The following COG5 variants were observed in gnomAD, a reference collection of about 807,000 sequenced individuals.
COG5 encodes the protein component of oligomeric golgi complex 5.
Under a neutral mutation model 110.4 loss-of-function variants are expected in COG5, and 86 were observed. The observed-to-expected ratio is 0.78, with a 90% CI of 0.65 to 0.93. The LOEUF is 0.93. Among genes scored for constraint, COG5 ranks in the 40% least tolerant of loss-of-function variants. The pLI, the probability that COG5 is intolerant of heterozygous loss-of-function variation, is 0.00. For synonymous variants in COG5, 360 were observed against 334.6 expected, an observed-to-expected ratio of 1.08 and a Z score of -0.83; for missense variants, 1,077 against 987.0, an observed-to-expected ratio of 1.09 and a Z score of -1.22.
At chr7:107,379,534 G>A (rs1400314251) in intron 7 of COG5, among the ~76,000 whole-genome samples, 2 of 148,506 alleles carry the variant, frequency 1.3e-5, no homozygotes, top group Non-Finnish European at 3.0e-5. Context: ...CCCATCTCAC[G>A]TGCAATGACA....
intron 14 of COG5, among the ~76,000 whole-genome samples, chr7:107,280,148 C>T (rs2116787230): frequency 6.6e-6 from 1 of 151,976 alleles, no homozygotes; most frequent in Admixed American, 6.6e-5. Context: ...AAGATTTAAA[C>T]AAAGATTGAG....
chr7:107,329,155 CTCTGA>C (rs1193681586), intron 10 of COG5, among the ~76,000 whole-genome samples: 1 of 152,124 alleles, frequency 6.6e-6, no homozygotes, highest in East Asian at 1.9e-4. Context: ...GCTTTTGTTT[CTCTGA>C]AGAACCCTGA....
At chr7:107,403,015 A>T (rs774926405) in intron 7 of COG5, among the ~76,000 whole-genome samples, 13 of 152,256 alleles carry the variant, frequency 8.5e-5, no homozygotes, top group Non-Finnish European at 1.9e-4. Flanking sequence ...ATTTTGCAAT[A>T]TGATAGTATT....
At chr7:107,347,215 T>C (rs1811697716) in intron 10 of COG5, among the ~76,000 whole-genome samples, 1 of 152,192 alleles carries the variant, frequency 6.6e-6, no homozygotes, top group Admixed American at 6.5e-5. Context: ...AAAGAGGTAT[T>C]ACGTATGATC....
Position 107,474,037 on chromosome 7 carries a change from A to G in COG5, c.538+53200T>C, listed in dbSNP as rs184159432. Reference sequence around the variant, plus strand: ...GTTTATTCTATTTCACTTTCTAGGGAAAAAAACCAACTGCTCCAAAAGAAT... The same window carrying G: ...GTTTATTCTATTTCACTTTCTAGGGGAAAAAACCAACTGCTCCAAAAGAAT... On this transcript the variant is annotated intron_variant, in intron 6 of 21. Coordinates refer to ENST00000297135, the MANE Select transcript of COG5 (RefSeq NM_006348.5). The surrounding 1 kb of genome is among the most constrained non-coding windows in gnomAD (Gnocchi z 5.7). 604 of 1,343,094 alleles carry G rather than the reference A, an allele frequency of 4.5e-4. 2 individuals are homozygous for G. Among genetic ancestry groups the G allele is most frequent in the Non-Finnish European group, 5.7e-4 (556 of 970,280 alleles). 83.2% of individuals were successfully genotyped at this position (1,343,094 alleles called of 1,614,324 possible).
rs548964742 is a variant in COG5 at position 107,323,117 on chromosome 7, T to A, written c.1108+1323A>T. ...TTGTCAAACATCATAGAATTTTATG[T>A]TTAAAATTGGTGACTTTTACTGCAT... On this transcript the variant is annotated intron_variant, in intron 11 of 21. Coordinates refer to ENST00000297135, the MANE Select transcript of COG5 (RefSeq NM_006348.5). 1.5e-4 allele frequency among the ~76,000 whole-genome samples: 23 copies of A among 152,326 alleles called. No homozygotes were observed. The South Asian group carries it at 4.8e-3, about 32-fold the overall frequency.
chr7:107,436,273 AAAGG>A (rs1229897663), intron 6 of COG5, among the ~76,000 whole-genome samples: 2 of 152,242 alleles, frequency 1.3e-5, no homozygotes, highest in Non-Finnish European at 2.9e-5. Context: ...TCAGCCTTTA[AAAGG>A]AAGGAAAATT....
intron 7 of COG5, among the ~76,000 whole-genome samples, chr7:107,380,628 C>G (rs1815035162): frequency 6.6e-6 from 1 of 152,132 alleles, no homozygotes; most frequent in Admixed American, 6.6e-5. Flanking sequence ...AGTCAAATCC[C>G]TGAATAGACC....
chr7:107,415,764 G>C (rs1584794664), intron 6 of COG5, among the ~76,000 whole-genome samples: 1 of 144,400 alleles, frequency 6.9e-6, no homozygotes, highest in Non-Finnish European at 1.5e-5. Flanking sequence ...ATATGTATGT[G>C]TGTATATATA....
At chr7:107,257,520 C>T (rs1448908690) in intron 15 of COG5, among the ~76,000 whole-genome samples, 4 of 152,064 alleles carry the variant, frequency 2.6e-5, no homozygotes, top group South Asian at 2.1e-4. Flanking sequence ...AAAGCTTATA[C>T]TATAAGTCAA....
intron 15 of COG5, 42 bp downstream of exon 15, chr7:107,258,231 G>A (rs1331480760): frequency 8.3e-7 from 1 of 1,202,570 alleles, no homozygotes; most frequent in East Asian, 2.4e-5. Context: ...GAGGCAAGAA[G>A]AATTTAAAAT....
intron 14 of COG5, among the ~76,000 whole-genome samples, chr7:107,266,435 G>A (rs1803808901): frequency 6.6e-6 from 1 of 152,130 alleles, no homozygotes; most frequent in Admixed American, 6.5e-5. Flanking sequence ...TTTTTATGCT[G>A]TTACATCTCT....
intron 5 of COG5, among the ~76,000 whole-genome samples, chr7:107,535,977 C>A (rs1011562000): frequency 1.3e-5 from 2 of 152,174 alleles, no homozygotes; most frequent in African/African-American, 4.8e-5. Flanking sequence ...TCGGCTTAAT[C>A]CCTGGGATGC....
At chr7:107,556,757 T>C (rs1803353256) in intron 2 of COG5, among the ~76,000 whole-genome samples, 1 of 152,082 alleles carries the variant, frequency 6.6e-6, no homozygotes, top group African/African-American at 2.4e-5. Context: ...GCTTGACAAT[T>C]AAGCGTGTTT....
At chr7:107,384,816 TTA>T (rs1815437372) in intron 7 of COG5, among the ~76,000 whole-genome samples, 2 of 152,206 alleles carry the variant, frequency 1.3e-5, no homozygotes, top group African/African-American at 4.8e-5. Context: ...GATCTTTGTT[TTA>T]GACTTTCCAA....
Position 107,527,994 on chromosome 7 carries a change from T to C in COG5, c.418-637A>G, listed in dbSNP as rs539897311. On this transcript the variant is annotated intron_variant, in intron 5 of 21. Coordinates refer to ENST00000297135, the MANE Select transcript of COG5 (RefSeq NM_006348.5). ...CAATCACTATGCTAGGTTGCTCAGC[T>C]TCCTACTACTGCCTCCTGTTATTTT... Among the ~76,000 whole-genome samples the C allele has an allele frequency of 2.6e-5, 4 of 152,310 alleles. No homozygotes were observed. The South Asian group carries it at 8.3e-4, about 32-fold the overall frequency.
chr7:107,324,637 A>C, intron 10 of COG5, 116 bp from the exon 11 acceptor site: 2 of 603,218 alleles, frequency 3.3e-6, no homozygotes, highest in Non-Finnish European at 5.9e-6. Context: ...AAAATTTTAG[A>C]CATCTAACCA....
chr7:107,513,338 C>G (rs1299906567), intron 6 of COG5, among the ~76,000 whole-genome samples: 1 of 151,832 alleles, frequency 6.6e-6, no homozygotes, highest in Non-Finnish European at 1.5e-5. Flanking sequence ...CAAATCAAAA[C>G]CACAATGAGA....
intron 6 of COG5, among the ~76,000 whole-genome samples, chr7:107,426,594 TC>T (rs1793658151): frequency 6.6e-6 from 1 of 152,156 alleles, no homozygotes; most frequent in Non-Finnish European, 1.5e-5. Context: ...GATCCCTTTT[TC>T]AAAGACACTA....
Sources: gnomAD v4.1 joint callset for allele counts (sites outside exome capture counted in the v4.1 genomes callset) on GRCh38, gnomAD v4.1.1 for gene constraint, Gnocchi (gnomAD v3.1) non-coding constraint, MANE v1.5 for transcripts, NCBI Gene and HGNC (gene_info 2026-07-23, HGNC 2026-07-21) for gene names.